Variants in HMGB1 observed in about 807,000 individuals in gnomAD.
HMGB1 encodes high mobility group box 1.
For missense variants in HMGB1, 79 were observed against 253.5 expected, an observed-to-expected ratio of 0.31 and a Z score of 4.67; for synonymous variants, 81 against 84.0, an observed-to-expected ratio of 0.96 and a Z score of 0.19.
chr13:30,581,477 C>A (rs77156777), intron 1 of HMGB1, among the ~76,000 whole-genome samples: 1,956 of 152,284 alleles, frequency 0.013, 148 homozygotes, highest in Admixed American at 0.11. Flanking sequence ...GCTGCTTTTG[C>A]GCTACAGCAG....
At chr13:30,583,305 G>A (rs1186562499) in intron 1 of HMGB1, among the ~76,000 whole-genome samples, 12 of 151,978 alleles carry the variant, frequency 7.9e-5, no homozygotes, top group African/African-American at 2.9e-4. Context: ...GACCAAGATG[G>A]GAGGATCACT....
intron 1 of HMGB1, 112 bp from the exon 2 acceptor site, chr13:30,463,806 G>A (rs1422852761): frequency 2.3e-5 from 15 of 655,220 alleles, no homozygotes; most frequent in Non-Finnish European, 3.7e-5. Context: ...ACACAGTAGC[G>A]ACATCAACCT....
chr13:30,582,061 A>G (rs1870922304), intron 1 of HMGB1, among the ~76,000 whole-genome samples: 1 of 152,196 alleles, frequency 6.6e-6, no homozygotes, highest in Admixed American at 6.5e-5. Flanking sequence ...AAGTGAACTC[A>G]GCATCAGGAA....
intron 1 of HMGB1, among the ~76,000 whole-genome samples, chr13:30,609,123 C>T (rs1298049706): frequency 1.3e-5 from 2 of 152,050 alleles, no homozygotes; most frequent in African/African-American, 2.4e-5. Flanking sequence ...ATTAGCCCGG[C>T]GTAGTGGTGG....
At chr13:30,615,669 T>TA (rs919886621) in intron 1 of HMGB1, among the ~76,000 whole-genome samples, 7 of 152,304 alleles carry the variant, frequency 4.6e-5, no homozygotes, top group South Asian at 4.1e-4. Flanking sequence ...ATTTTTTTTT[T>TA]ATGAGACTAA....
At chr13:30,586,250 T>A (rs2137547704) in intron 1 of HMGB1, among the ~76,000 whole-genome samples, 1 of 152,202 alleles carries the variant, frequency 6.6e-6, no homozygotes, top group South Asian at 2.1e-4. Context: ...AGCTGATAAT[T>A]CCCTCCTTGA....
chr13:30,558,749 C>G (rs1052845313), intron 1 of HMGB1, among the ~76,000 whole-genome samples: 8 of 152,190 alleles, frequency 5.3e-5, no homozygotes, highest in African/African-American at 1.9e-4. Context: ...AGCTTTCTTT[C>G]CTTATTCCCC....
intron 1 of HMGB1, among the ~76,000 whole-genome samples, chr13:30,474,951 C>CTTTTTTTTTTTTTTTTT (rs1887041427): frequency 7.1e-5 from 2 of 28,092 alleles, no homozygotes; most frequent in Admixed American, 4.3e-4. Context: ...TTTTTCTTTT[C>CTTTTTTTTTTTTTTTTT]TTTTTTTGTT....
intron 1 of HMGB1, among the ~76,000 whole-genome samples, chr13:30,489,858 C>T (rs1396874349): frequency 6.6e-6 from 1 of 151,698 alleles, no homozygotes; most frequent in Non-Finnish European, 1.5e-5. Flanking sequence ...CCTCAGCCTC[C>T]TGAGTAGCTG....
intron 1 of HMGB1, among the ~76,000 whole-genome samples, chr13:30,599,569 C>G (rs151272938): frequency 3.0e-4 from 45 of 152,308 alleles, no homozygotes; most frequent in African/African-American, 1.0e-3. Context: ...GGCTGGAAAT[C>G]TAAGATAAAG....
intron 1 of HMGB1, chr13:30,542,358 C>G (rs1393547189): frequency 6.1e-6 from 1 of 162,888 alleles, no homozygotes; most frequent in African/African-American, 2.4e-5. Context: ...CTGAGCTCCC[C>G]AGGGCGCCCC....
At chr13:30,518,587 T>C (rs866816501) in intron 1 of HMGB1, among the ~76,000 whole-genome samples, 1 of 152,158 alleles carries the variant, frequency 6.6e-6, no homozygotes, top group South Asian at 2.1e-4. Flanking sequence ...GAAATTGTAT[T>C]ATACCTTCTA....
intron 1 of HMGB1, among the ~76,000 whole-genome samples, chr13:30,588,117 AGCACT>A (rs1166886108): frequency 2.0e-5 from 3 of 152,252 alleles, no homozygotes; most frequent in Non-Finnish European, 4.4e-5. Context: ...TCATGTGCTC[AGCACT>A]GCCAAAGAGG....
chr13:30,585,887 C>A (rs1186046427), intron 1 of HMGB1, among the ~76,000 whole-genome samples: 1 of 152,088 alleles, frequency 6.6e-6, no homozygotes, highest in Non-Finnish European at 1.5e-5. Flanking sequence ...TGGCCCATTT[C>A]TTTCCTCTTG....
intron 1 of HMGB1, among the ~76,000 whole-genome samples, chr13:30,510,625 G>A (rs1043560765): frequency 1.3e-4 from 19 of 151,944 alleles, no homozygotes; most frequent in Non-Finnish European, 2.5e-4. Flanking sequence ...AATACCACTG[G>A]TCTCTATGCT....
At chr13:30,484,976 A>C (rs1021155160) in intron 1 of HMGB1, among the ~76,000 whole-genome samples, 1 of 152,030 alleles carries the variant, frequency 6.6e-6, no homozygotes, top group African/African-American at 2.4e-5. Context: ...ATGGGAGATA[A>C]GTATTAATAT....
chr13:30,563,793 G>A (rs80296263), intron 1 of HMGB1, among the ~76,000 whole-genome samples: 5 of 152,278 alleles, frequency 3.3e-5, no homozygotes, highest in East Asian at 1.9e-4. Context: ...TGAGTGAAAC[G>A]TTTAATCAAT....
chr13:30,607,020 T>A (rs1950466853), intron 1 of HMGB1, among the ~76,000 whole-genome samples: 2 of 152,234 alleles, frequency 1.3e-5, no homozygotes, highest in South Asian at 4.1e-4. Flanking sequence ...GAACTTCTTT[T>A]AAGCTTTGGC....
intron 1 of HMGB1, among the ~76,000 whole-genome samples, chr13:30,494,659 C>G (rs577453642): frequency 2.0e-5 from 3 of 152,336 alleles, no homozygotes; most frequent in African/African-American, 7.2e-5. Flanking sequence ...CTGCTCCCGG[C>G]CTTAACCACT....
Sources: gnomAD v4.1 joint callset for allele counts (sites outside exome capture counted in the v4.1 genomes callset) on GRCh38, gnomAD v4.1.1 for gene constraint, MANE v1.5 for transcripts, NCBI Gene and HGNC (gene_info 2026-07-23, HGNC 2026-07-21) for gene names.